Variants in GALNT8 observed in about 807,000 individuals in gnomAD.
The protein encoded by GALNT8 is polypeptide N-acetylgalactosaminyltransferase 8, also known as probable polypeptide N-acetylgalactosaminyltransferase 8.
In GALNT8, 66 loss-of-function variants were observed where a neutral mutation model predicts 62.7. The ratio of observed to expected loss-of-function variants is 1.05; its 90% CI spans 0.86 to 1.29. GALNT8 has a LOEUF of 1.29. GALNT8 is among the 50% of genes most tolerant of loss of function. GALNT8 has a pLI of 0.00. For missense variants in GALNT8, 771 were observed against 791.8 expected, an observed-to-expected ratio of 0.97 and a Z score of 0.32; for synonymous variants, 288 against 294.3, an observed-to-expected ratio of 0.98 and a Z score of 0.22.
rs1946160826 is a variant in GALNT8, at chr12:4,720,476, A to G, written c.-202A>G. ...CGCTGAGCGGTTATCCTCTCGGGGC[A>G]TAAAGACAAAGAAGGCAATAAGGAG... On this transcript the variant is annotated 5_prime_UTR_variant, in exon 1 of 11. Transcript: ENST00000252318. 4 of 579,558 alleles carry G rather than the reference A, an allele frequency of 6.9e-6. No individual in the cohort carries two copies. The highest frequency in any genetic ancestry group is 1.2e-5 in the Non-Finnish European group (4 of 326,750). 35.9% of individuals were successfully genotyped at this position (579,558 alleles called of 1,614,324 possible). A position where few individuals can be genotyped will look rare whatever the true frequency, so the allele number is the denominator to read the frequency against.
chr12:4,762,989 G>T (rs1247790003), intron 7 of GALNT8, among the ~76,000 whole-genome samples: 1 of 152,218 alleles, frequency 6.6e-6, no homozygotes, highest in East Asian at 1.9e-4. Context: ...ACAGCTCCGT[G>T]TTTGCCTTAT....
At chr12:4,759,705 G>A (rs1367167135) in intron 6 of GALNT8, among the ~76,000 whole-genome samples, 3 of 152,080 alleles carry the variant, frequency 2.0e-5, no homozygotes, top group Non-Finnish European at 2.9e-5. Context: ...CTGAACCGCC[G>A]TGGCCTAAGC....
intron 10 of GALNT8, among the ~76,000 whole-genome samples, chr12:4,766,877 A>C (rs1488916152): frequency 6.6e-6 from 1 of 151,850 alleles, no homozygotes; most frequent in East Asian, 1.9e-4. Flanking sequence ...CTCTCCAGGA[A>C]AACATACATA....
At chr12:4,767,757 G>C (rs904631972) in intron 10 of GALNT8, among the ~76,000 whole-genome samples, 1 of 152,146 alleles carries the variant, frequency 6.6e-6, no homozygotes, top group Non-Finnish European at 1.5e-5. Context: ...TTTTGTTCGT[G>C]TGAAGAAAAC....
At chr12:4,727,940 AG>A (rs1179180707) in intron 2 of GALNT8, among the ~76,000 whole-genome samples, 4 of 152,188 alleles carry the variant, frequency 2.6e-5, no homozygotes, top group Admixed American at 2.6e-4. Flanking sequence ...AAGAACTGCC[AG>A]GTGGTTTTCC....
rs34532073 is a variant in GALNT8 at position 4,726,770 on chromosome 12, C to G, written c.450C>G (p.Asn150Lys). 3.1e-6 allele frequency: 5 copies of G among 1,613,880 alleles called. No homozygotes were observed. Among genetic ancestry groups the G allele is most frequent in the Non-Finnish European group, 4.2e-6 (5 of 1,180,008 alleles). The part of the protein sequence containing the change: ...AQDLFRKFGY[N>K]AYLSNQLPLN... The stretch of plus-strand genomic sequence containing the variant: ...ACCTCTTCCGGAAGTTTGGTTACAA[C>G]GCGTACCTCAGCAACCAGCTGCCTC... The change falls in exon 2 of 11, where the codon AAC becomes AAG. Residue 150 changes from asparagine to lysine, a missense_variant. Coordinates refer to ENST00000252318, the MANE Select transcript of GALNT8 (RefSeq NM_017417.2). The surrounding 1 kb of genome is among the most constrained non-coding windows in gnomAD (Gnocchi z 4.1).
chr12:4,765,439 G>C lies in GALNT8; in HGVS notation c.1654G>C (p.Ala552Pro). ...GGGACAACTGATTGCAGAGGCCAGT[G>C]CTAGTGATCGCTGCCTGACAGACCC... is the stretch of plus-strand genomic sequence containing the variant. ...YVGQLIAEAS[A>P]SDRCLTDPGK... Residue 552 changes from alanine (A) to proline (P), a missense_variant, in exon 10 of 11, where the codon GCT becomes CCT. By Grantham distance (27) the Ala-to-Pro change is conservative. Coordinates refer to ENST00000252318, the MANE Select transcript of GALNT8 (RefSeq NM_017417.2). The C allele has an allele frequency of 6.2e-7, 1 of 1,609,610 alleles. No homozygotes were observed. The highest frequency in any genetic ancestry group is 1.4e-5 in the African/African-American group (1 of 73,832).
chr12:4,744,161 G>T (rs1023071409), intron 3 of GALNT8, among the ~76,000 whole-genome samples: 4 of 152,200 alleles, frequency 2.6e-5, no homozygotes, highest in Non-Finnish European at 5.9e-5. Flanking sequence ...AGGCCTTCCT[G>T]CAGTGTTTTC....
chr12:4,728,223 T>A (rs1381972825), intron 2 of GALNT8, among the ~76,000 whole-genome samples: 1 of 152,060 alleles, frequency 6.6e-6, no homozygotes, highest in East Asian at 1.9e-4. Context: ...TATTTTTTTT[T>A]TTATTATTGA....
rs568448627 is a variant in GALNT8, at chr12:4,746,195, G to T, written c.1110G>T (p.Glu370Asp). 1.9e-6 allele frequency: 3 copies of T among 1,613,692 alleles called. No homozygotes were observed. The South Asian group carries it at 3.3e-5, about 18-fold the overall frequency. ...CTGCTAACAGGCACTTCCTGGGAGA[G>T]ATCGGGTCTCTGGATGGTGGAATGC... ...ILAANRHFLG[E>D]IGSLDGGMLI... The change falls in exon 6 of 11, where the codon GAG becomes GAT. Residue 370 changes from glutamate (E) to aspartate (D), a missense_variant. Transcript: ENST00000252318.
At chr12:4,720,928 T>A (rs772286063) in intron 1 of GALNT8, 40 bp downstream of exon 1, 1 of 1,252,782 alleles carries the variant, frequency 8.0e-7, no homozygotes, top group Non-Finnish European at 1.2e-6. Context: ...TGTGTGTGGG[T>A]GTGTGTGTTT....
chr12:4,751,668 A>T (rs185053010), intron 6 of GALNT8, among the ~76,000 whole-genome samples: 1 of 152,190 alleles, frequency 6.6e-6, no homozygotes, highest in Non-Finnish European at 1.5e-5. Context: ...CTTGTTTGTG[A>T]CCTAACATAT....
intron 10 of GALNT8, 84 bp from the exon 11 acceptor site, chr12:4,772,361 G>A (rs1297576425): frequency 1.6e-6 from 2 of 1,239,478 alleles, no homozygotes; most frequent in Non-Finnish European, 2.3e-6. Context: ...ATGTGGCTGA[G>A]CACAGCAGGG....
In GALNT8 at chr12:4,749,591, A is replaced by G. The variant is rs1946314069; in HGVS notation, c.1173+3333A>G. Reference sequence around the variant, plus strand: ...GTTGAGGATTTTTGTGCCAATATTCATCAGAGATATTGGCCTGTAGTTTTC... The same window carrying G: ...GTTGAGGATTTTTGTGCCAATATTCGTCAGAGATATTGGCCTGTAGTTTTC... On this transcript the variant is annotated intron_variant, in intron 6 of 10. Coordinates refer to ENST00000252318, the MANE Select transcript of GALNT8 (RefSeq NM_017417.2). This position sits in a 1 kb window ranked among gnomAD's most constrained non-coding sequence, Gnocchi z 4.1. 1.3e-5 allele frequency among the ~76,000 whole-genome samples: 2 copies of G among 151,560 alleles called. No individual in the cohort carries two copies. Among genetic ancestry groups the G allele is most frequent in the African/African-American group, 4.8e-5 (2 of 41,296 alleles).
intron 2 of GALNT8, among the ~76,000 whole-genome samples, chr12:4,730,969 TCTCCGAGTAG>T (rs768045357): frequency 2.0e-5 from 3 of 150,444 alleles, no homozygotes; most frequent in African/African-American, 7.3e-5. Context: ...TGCCTCAGCC[TCTCCGAGTAG>T]CTGGGACTAC....
At position 4,761,084 on chromosome 12, in the gene GALNT8, G is replaced by A. The variant is rs781382912; in HGVS notation, c.1300G>A (p.Glu434Lys). ...GAAGCGCAATGCTCTGCGAGTGGCC[G>A]AAATCTGGATGGATGAGCACAAACA... ...ALKRNALRVA[E>K]IWMDEHKHMV... Residue 434 changes from glutamate to lysine, a missense_variant, in exon 7 of 11, where the codon GAA becomes AAA. Coordinates refer to ENST00000252318, the MANE Select transcript of GALNT8 (RefSeq NM_017417.2). The A allele has an allele frequency of 2.5e-5, 41 of 1,613,908 alleles. No homozygotes were observed. The highest frequency in any genetic ancestry group is 3.3e-5 in the South Asian group (3 of 91,076).
chr12:4,759,558 T>C lies in GALNT8; in HGVS notation c.1174-1400T>C, dbSNP rs540858067. 3.7e-4 allele frequency among the ~76,000 whole-genome samples: 56 copies of C among 151,858 alleles called. No homozygotes were observed. In the Middle Eastern group the frequency reaches 0.01, roughly 28 times the overall value. The stretch of plus-strand genomic sequence containing the variant: ...AAAGCCTTGCTTTTTTTTCTTTTTT[T>C]TTTAGTCCATTGTTCTGGCAAATAG... On this transcript the variant is annotated intron_variant, in intron 6 of 10. Transcript: ENST00000252318.
rs531847415 is a variant in GALNT8 at position 4,770,513 on chromosome 12, A to G, written c.1762-1932A>G. On this transcript the variant is annotated intron_variant, in intron 10 of 10. Transcript: ENST00000252318. ...AATAAATTATTGGTCACAATAATTT[A>G]TTGTGACCAATAATAAATTATTGTG... is the stretch of plus-strand genomic sequence containing the variant. Among the ~76,000 whole-genome samples the G allele has an allele frequency of 3.9e-5, 6 of 152,202 alleles. No individual in the cohort carries two copies. In the South Asian group the frequency reaches 1.0e-3, roughly 26 times the overall value.
At chr12:4,763,221 A>G (rs1199701794) in intron 7 of GALNT8, 32 bp from the exon 8 acceptor site, 1 of 1,598,362 alleles carries the variant, frequency 6.3e-7, no homozygotes, top group Non-Finnish European at 8.6e-7. Flanking sequence ...TCATGAATCA[A>G]AGCACAGAAA....
Sources: gnomAD v4.1 joint callset for allele counts (sites outside exome capture counted in the v4.1 genomes callset) on GRCh38, gnomAD v4.1.1 for gene constraint, Gnocchi (gnomAD v3.1) non-coding constraint, MANE v1.5 for transcripts, NCBI Gene and HGNC (gene_info 2026-07-23, HGNC 2026-07-21) for gene names.